SEPTIN2: variants seen among roughly 807,000 people sequenced by gnomAD.
The protein encoded by SEPTIN2 is septin 2.
Under a neutral mutation model 46.5 loss-of-function variants are expected in SEPTIN2, and 34 were observed. The ratio of observed to expected loss-of-function variants is 0.73; its 90% CI spans 0.56 to 0.97. The LOEUF (loss-of-function observed/expected upper bound fraction) is 0.97. Among genes scored for constraint, SEPTIN2 ranks in the 50% least tolerant of loss-of-function variants. SEPTIN2 has a pLI of 0.00. For synonymous variants in SEPTIN2, 175 were observed against 153.4 expected (o/e 1.14, Z -1.04); for missense variants, 347 against 448.4 (o/e 0.77, Z 2.04).
chr2:241,330,175 G>A (rs2078757377), intron 3 of SEPTIN2, among the ~76,000 whole-genome samples: 1 of 152,102 alleles, frequency 6.6e-6, no homozygotes, highest in African/African-American at 2.4e-5. Flanking sequence ...AAAAGTCAAT[G>A]CACTGAGTCC....
chr2:241,325,411 T>C (rs2077794468), intron 2 of SEPTIN2, among the ~76,000 whole-genome samples: 1 of 152,158 alleles, frequency 6.6e-6, no homozygotes, highest in South Asian at 2.1e-4. Context: ...TTCTTGGTCT[T>C]TGACACTAGA....
intron 3 of SEPTIN2, 122 bp from the exon 4 acceptor site, chr2:241,335,004 A>T: frequency 4.5e-6 from 3 of 664,316 alleles, no homozygotes; most frequent in Non-Finnish European, 8.0e-6. Context: ...TACTGTAGGT[A>T]CTAAACACAG....
At chr2:241,327,635 C>G (rs1027454373) in intron 3 of SEPTIN2, among the ~76,000 whole-genome samples, 1 of 151,684 alleles carries the variant, frequency 6.6e-6, no homozygotes, top group Admixed American at 6.6e-5. Flanking sequence ...TACACCAGGA[C>G]GCATCATAAC....
Position 241,338,594 on chromosome 2 carries a change from T to A in SEPTIN2, c.594+804T>A, listed in dbSNP as rs186002961. Reference sequence around the variant, plus strand: ...GCAATACGCTGTCTCTAAAAAAATATATATATATATTTTATATATATAATA... The same window carrying A: ...GCAATACGCTGTCTCTAAAAAAATAAATATATATATTTTATATATATAATA... On this transcript the variant is annotated intron_variant, in intron 7 of 12. Coordinates refer to ENST00000391971, the MANE Select transcript of SEPTIN2 (RefSeq NM_004404.5). Among the ~76,000 whole-genome samples the A allele has an allele frequency of 3.5e-3, 465 of 134,198 alleles. 2 individuals carry two copies. The highest frequency in any genetic ancestry group is 0.032 in the Middle Eastern group (9 of 278). The allele number at this position is 134,198 out of a possible 152,430, so 88.0% of individuals were successfully genotyped here. A position where few individuals can be genotyped will look rare whatever the true frequency, so the allele number is the denominator to read the frequency against.
intron 2 of SEPTIN2, 134 bp downstream of exon 2, chr2:241,324,375 C>G (rs1168297368): frequency 3.0e-6 from 2 of 658,990 alleles, no homozygotes; most frequent in African/African-American, 3.9e-5. Flanking sequence ...ACAAAGAGTT[C>G]TAATTTAGTT....
intron 6 of SEPTIN2, 59 bp from the exon 7 acceptor site, chr2:241,337,614 A>G (rs59470161): frequency 0.012 from 19,427 of 1,578,904 alleles, 316 homozygotes; most frequent in African/African-American, 0.079. Context: ...ATAATTTGAG[A>G]GAGAAGAGTT....
chr2:241,325,866 A>G (rs2077876427), intron 2 of SEPTIN2, 127 bp from the exon 3 acceptor site: 2 of 755,304 alleles, frequency 2.6e-6, no homozygotes, highest in East Asian at 2.8e-5. Flanking sequence ...ACCTTCTGGA[A>G]GTGTTTATAC....
chr2:241,332,898 G>T (rs548921908), intron 3 of SEPTIN2, among the ~76,000 whole-genome samples: 1 of 152,318 alleles, frequency 6.6e-6, no homozygotes, highest in South Asian at 2.1e-4. Flanking sequence ...CCATTTAAAA[G>T]TTTTAGAATA....
intron 7 of SEPTIN2, among the ~76,000 whole-genome samples, chr2:241,339,898 G>C (rs552853110): frequency 6.6e-6 from 1 of 152,266 alleles, no homozygotes; most frequent in East Asian, 1.9e-4. Context: ...CCTGACCCCA[G>C]GTCCTGAGAT....
At chr2:241,339,703 G>C (rs76401496) in intron 7 of SEPTIN2, among the ~76,000 whole-genome samples, 3 of 151,892 alleles carry the variant, frequency 2.0e-5, no homozygotes, top group Non-Finnish European at 4.4e-5. Flanking sequence ...CCCCTTGCTC[G>C]CTGCTTTTGC....
chr2:241,336,202 A>G lies in SEPTIN2; in HGVS notation c.341+104A>G, dbSNP rs989742223. On this transcript the variant is annotated intron_variant, in intron 5 of 12. Transcript: ENST00000391971. ...ATTATTAAGTTTGGGATTGCTGTAT[A>G]TAATAAAACACCTAGACAATTTAAA... The G allele has an allele frequency of 4.4e-6, 5 of 1,134,284 alleles. No individual in the cohort carries two copies. The East Asian group carries it at 7.7e-5, about 17-fold the overall frequency. The allele number at this position is 1,134,284 out of a possible 1,614,324, so 70.3% of individuals were successfully genotyped here.
chr2:241,320,062 G>C (rs2076924356), intron 1 of SEPTIN2: 1 of 344,418 alleles, frequency 2.9e-6, no homozygotes, highest in South Asian at 2.3e-5. Flanking sequence ...TTGTATTCAG[G>C]ATTTTTGCAT....
chr2:241,343,004 A>G lies in SEPTIN2; in HGVS notation c.607A>G (p.Ile203Val). Residue 203 changes from isoleucine (I) to valine (V), a missense_variant, in exon 8 of 13, where the codon ATT becomes GTT. Ile to Val is a conservative substitution (Grantham distance 29, BLOSUM62 3). Transcript: ENST00000391971. ...GTCATTCTCTCAGATTCTGGATGAA[A>G]TTGAAGAACATAACATCAAAATCTA... is the stretch of plus-strand genomic sequence containing the variant. Reference protein sequence around the residue: ...ERLKKRILDEIEEHNIKIYHL... With the variant: ...ERLKKRILDEVEEHNIKIYHL... The G allele has an allele frequency of 6.3e-7, 1 of 1,597,620 alleles. No individual in the cohort carries two copies.
rs766749187 is a variant in SEPTIN2, at chr2:241,324,218, G to A, written c.-15G>A. Reference sequence around the variant, plus strand: ...TCTGTGTGTTTTTTTTTTAACAGACGAAGCTTCACAAAAGATGTCTAAGGT... The same window carrying A: ...TCTGTGTGTTTTTTTTTTAACAGACAAAGCTTCACAAAAGATGTCTAAGGT... On this transcript the variant is annotated splice_region_variant and 5_prime_UTR_variant, in exon 2 of 13. Transcript: ENST00000391971. 52 of 1,609,696 alleles carry A rather than the reference G, an allele frequency of 3.2e-5. No individual in the cohort carries two copies. Among genetic ancestry groups the A allele is most frequent in the East Asian group, 8.9e-5 (4 of 44,830 alleles).
rs1020493865 is a variant in SEPTIN2 at position 241,316,196 on chromosome 2, G to A, written c.-18+214G>A. On this transcript the variant is annotated intron_variant, in intron 1 of 12. Coordinates refer to ENST00000391971, the MANE Select transcript of SEPTIN2 (RefSeq NM_004404.5). ...GGCGGTCCTAGTGCCGGCGACAGTGGCTCCGACACGGGCAGGCCCGGGCGC... is the reference window on the plus strand; with the variant it reads ...GGCGGTCCTAGTGCCGGCGACAGTGACTCCGACACGGGCAGGCCCGGGCGC... 33 of 305,312 alleles carry A rather than the reference G, an allele frequency of 1.1e-4. 1 individual carries two copies. The East Asian group carries it at 1.7e-3, about 16-fold the overall frequency. The allele number at this position is 305,312 out of a possible 1,614,324, so 18.9% of individuals were successfully genotyped here.
Position 241,350,110 on chromosome 2 carries a change from CGCAGATGCAGAT to C in SEPTIN2, c.1033_1044del (p.Met345_Gln348del). The C allele has an allele frequency of 1.9e-6, 3 of 1,614,064 alleles. No homozygotes were observed. Among genetic ancestry groups the C allele is most frequent in the East Asian group, 2.2e-5 (1 of 44,884 alleles). On this transcript the variant is annotated inframe_deletion, in exon 12 of 13. Coordinates refer to ENST00000391971, the MANE Select transcript of SEPTIN2 (RefSeq NM_004404.5). ...CAAGAGATGATTGCAAGGATGCAGG[CGCAGATGCAGAT>C]GCAGATGCAGGGCGGGGATGGCGAT... is the stretch of plus-strand genomic sequence containing the variant.
At chr2:241,341,128 C>G (rs1020064268) in intron 7 of SEPTIN2, among the ~76,000 whole-genome samples, 1 of 152,202 alleles carries the variant, frequency 6.6e-6, no homozygotes, top group Admixed American at 6.5e-5. Flanking sequence ...ACCTTCCTTC[C>G]TGATCCCTGA....
chr2:241,322,785 G>A (rs1386696101), intron 1 of SEPTIN2, among the ~76,000 whole-genome samples: 1 of 152,080 alleles, frequency 6.6e-6, no homozygotes, highest in Non-Finnish European at 1.5e-5. Context: ...ACTCCAGTGG[G>A]TGGCAAACAT....
intron 10 of SEPTIN2, chr2:241,346,450 G>A (rs1285018558): frequency 2.7e-6 from 1 of 371,552 alleles, no homozygotes; most frequent in Non-Finnish European, 4.9e-6. Flanking sequence ...TTAATGATAT[G>A]CACGTAAAAA....
Sources: allele counts gnomAD v4.1 joint callset (sites outside exome capture counted in the v4.1 genomes callset), GRCh38; gene constraint gnomAD v4.1.1; transcripts MANE v1.5; gene names NCBI Gene and HGNC (gene_info 2026-07-23, HGNC 2026-07-21).